The following LIPJ variants were observed in gnomAD, a reference collection of about 807,000 sequenced individuals.
LIPJ encodes the protein lipase member J.
In LIPJ, 33 loss-of-function variants were observed where a neutral mutation model predicts 39.8. The observed-to-expected ratio is 0.83, with a 90% CI of 0.63 to 1.11. The LOEUF (loss-of-function observed/expected upper bound fraction) is 1.11. Ranked by LOEUF, LIPJ falls within the 50% of genes least tolerant of loss-of-function variation. LIPJ has a pLI of 0.00. For synonymous variants in LIPJ, 128 were observed against 139.2 expected, an observed-to-expected ratio of 0.92 and a Z score of 0.57; for missense variants, 422 against 427.9, an observed-to-expected ratio of 0.99 and a Z score of 0.12.
intron 4 of LIPJ, 24 bp from the exon 5 acceptor site, chr10:88,593,922 G>C: frequency 6.3e-7 from 1 of 1,579,192 alleles, no homozygotes; most frequent in African/African-American, 1.4e-5. Flanking sequence ...AATTTATAAA[G>C]AACTTTCTAC....
chr10:88,590,528 T>TAAATGGTA, intron 2 of LIPJ, 57 bp from the exon 3 acceptor site: 2 of 556,256 alleles, frequency 3.6e-6, no homozygotes, highest in Admixed American at 6.6e-5. Flanking sequence ...TGCAGTTTTA[T>TAAATGGTA]AAATGGTATT....
At chr10:88,619,209 T>TA in the LIPJ span, among the ~76,000 whole-genome samples, 74 of 128,218 alleles carry the variant, frequency 5.8e-4, no homozygotes, top group South Asian at 1.5e-3. Context: ...TTGCTACTGC[T>TA]AAAAAAAAAA....
At chr10:88,584,916 T>G (rs1296211388), upstream of LIPJ, among the ~76,000 whole-genome samples, 1 of 152,246 alleles carries the variant, frequency 6.6e-6, no homozygotes, top group Admixed American at 6.5e-5. Context: ...TAGACAAATT[T>G]GTCATAATAC....
At chr10:88,589,582 C>T (rs986413046) in intron 2 of LIPJ, among the ~76,000 whole-genome samples, 3 of 151,626 alleles carry the variant, frequency 2.0e-5, no homozygotes, top group Non-Finnish European at 4.4e-5. Flanking sequence ...AATGAATGCA[C>T]TTTAAAACTT....
chr10:88,593,994 G>T (rs955475407), exon 5 of LIPJ: 3 of 1,612,364 alleles, frequency 1.9e-6, no homozygotes, highest in South Asian at 2.2e-5. Flanking sequence ...ACATCTGCCA[G>T]CAGCTGGATT....
chr10:88,583,242 C>T (rs750177154), upstream of LIPJ: 2 of 1,602,730 alleles, frequency 1.2e-6, no homozygotes, highest in Non-Finnish European at 1.7e-6. Context: ...GGCCGTTCGG[C>T]CCGGGCTTTC....
the LIPJ span, among the ~76,000 whole-genome samples, chr10:88,615,111 G>T: frequency 1.3e-5 from 2 of 152,100 alleles, no homozygotes; most frequent in Non-Finnish European, 2.9e-5. Flanking sequence ...AGTAAGCAAA[G>T]ATTTCTTAAA....
In LIPJ at chr10:88,590,644, A is replaced by T. The variant is rs569580460; in HGVS notation, c.-44A>T. On this transcript the variant is annotated 5_prime_UTR_variant, in exon 3 of 11. It removes an upstream start codon present in the reference 5' UTR. Coordinates refer to ENST00000371939, the Ensembl canonical transcript of LIPJ. ...TTTATCCGAATTCTTGGAATTACTC[A>T]TGGTGTCTTTCAAAATTAAAGATCT... 1 of 1,517,310 alleles carries T rather than the reference A, an allele frequency of 6.6e-7. No homozygotes were observed. The highest frequency in any genetic ancestry group is 1.4e-5 in the African/African-American group (1 of 72,796). 94.0% of individuals were successfully genotyped at this position (1,517,310 alleles called of 1,614,324 possible). A position where few individuals can be genotyped will look rare whatever the true frequency, so the allele number is the denominator to read the frequency against.
upstream of LIPJ, chr10:88,586,701 T>C (rs1850927766): frequency 6.6e-6 from 1 of 152,116 alleles, no homozygotes; most frequent in African/African-American, 2.4e-5. Flanking sequence ...ACCAAGAGGG[T>C]AGAAATTTTG....
downstream of LIPJ, among the ~76,000 whole-genome samples, chr10:88,611,285 T>C (rs986090833): frequency 6.6e-6 from 1 of 152,204 alleles, no homozygotes; most frequent in Non-Finnish European, 1.5e-5. Context: ...ATCCCAGATA[T>C]TCCCTGTGAC....
At chr10:88,584,895 T>A (rs1006532182), upstream of LIPJ, among the ~76,000 whole-genome samples, 3 of 152,246 alleles carry the variant, frequency 2.0e-5, no homozygotes, top group African/African-American at 7.2e-5. Flanking sequence ...ATATTACTGA[T>A]GGAAGTGTAC....
chr10:88,614,911 A>G, the LIPJ span, among the ~76,000 whole-genome samples: 52 of 152,328 alleles, frequency 3.4e-4, no homozygotes, highest in African/African-American at 1.2e-3. Flanking sequence ...ATCTGATTTG[A>G]TAAAATGACA....
intron 3 of LIPJ, among the ~76,000 whole-genome samples, chr10:88,591,131 GGTTT>G (rs10694823): frequency 1.4e-4 from 21 of 150,956 alleles, no homozygotes; most frequent in South Asian, 4.2e-4. Flanking sequence ...TGAGGGTAGG[GGTTT>G]GTTTGTTTGT....
At chr10:88,606,986 G>A (rs75082203), downstream of LIPJ, 24,162 of 1,339,272 alleles carry the variant, frequency 0.018, 275 homozygotes, top group South Asian at 0.049. Context: ...ACCTGTGTAT[G>A]TTCTTTCATT....
At chr10:88,608,344 A>G, downstream of LIPJ, among the ~76,000 whole-genome samples, 1 of 152,204 alleles carries the variant, frequency 6.6e-6, no homozygotes. Context: ...GGAGGCTATG[A>G]ATGTGCAGGG....
intron 8 of LIPJ, 117 bp downstream of exon 8, chr10:88,597,053 TCAGATTCTTAG>T: frequency 1.7e-6 from 1 of 578,734 alleles, no homozygotes; most frequent in South Asian, 2.7e-5. Context: ...ACACTAGTAG[TCAGATTCTTAG>T]CCTATCTGAT....
intron 8 of LIPJ, among the ~76,000 whole-genome samples, chr10:88,600,639 G>A (rs1200700182): frequency 6.6e-6 from 1 of 152,158 alleles, no homozygotes; most frequent in Non-Finnish European, 1.5e-5. Flanking sequence ...TGTTGGCTGT[G>A]TTTTCCTGTT....
At chr10:88,608,124 A>T (rs180940763), downstream of LIPJ, among the ~76,000 whole-genome samples, 21 of 152,302 alleles carry the variant, frequency 1.4e-4, 1 homozygote, top group Admixed American at 1.0e-3. Context: ...ATCAAAGCCT[A>T]ATGAACCTGA....
At chr10:88,617,039 C>G in the LIPJ span, among the ~76,000 whole-genome samples, 1 of 152,074 alleles carries the variant, frequency 6.6e-6, no homozygotes, top group African/African-American at 2.4e-5. Flanking sequence ...TGGAGTTCTG[C>G]TTTGTGATTT....
Sources: allele counts gnomAD v4.1 joint callset (sites outside exome capture counted in the v4.1 genomes callset), GRCh38; gene constraint gnomAD v4.1.1; transcripts MANE v1.5; gene names NCBI Gene and HGNC (gene_info 2026-07-23, HGNC 2026-07-21).